The following DCAF5 variants were observed in gnomAD, a reference collection of about 807,000 sequenced individuals.
The protein encoded by DCAF5 is DDB1- and CUL4-associated factor 5.
A neutral mutation model predicts 80.7 loss-of-function variants in DCAF5; 9 were observed. The observed-to-expected ratio is 0.11, with a 90% CI of 0.07 to 0.19. The LOEUF is 0.19. Among genes scored for constraint, DCAF5 ranks in the 10% least tolerant of loss-of-function variants. DCAF5 has a pLI of 1.00. For synonymous variants in DCAF5, 433 were observed against 461.9 expected (o/e 0.94, Z 0.80); for missense variants, 842 against 1,205.7 (o/e 0.70, Z 4.47).
chr14:69,079,008 G>A (rs1211459129), intron 6 of DCAF5, among the ~76,000 whole-genome samples: 1 of 151,984 alleles, frequency 6.6e-6, no homozygotes, highest in Non-Finnish European at 1.5e-5. Context: ...GACTACAGGC[G>A]GGCACCACCA....
intron 1 of DCAF5, among the ~76,000 whole-genome samples, chr14:69,144,261 T>G (rs1382714213): frequency 6.6e-6 from 1 of 152,046 alleles, no homozygotes; most frequent in Non-Finnish European, 1.5e-5. Flanking sequence ...AATAATAATT[T>G]TCATTGTTAT....
At chr14:69,106,716 TAAG>T (rs1231689682) in intron 5 of DCAF5, among the ~76,000 whole-genome samples, 1 of 152,182 alleles carries the variant, frequency 6.6e-6, no homozygotes, top group East Asian at 1.9e-4. Context: ...TAAAAATTTT[TAAG>T]AAGAAAACGT....
intron 1 of DCAF5, among the ~76,000 whole-genome samples, chr14:69,135,677 C>A (rs1342067102): frequency 6.6e-6 from 1 of 152,154 alleles, no homozygotes; most frequent in Non-Finnish European, 1.5e-5. Flanking sequence ...TGATAAAATT[C>A]AAGCTTTCAA....
In DCAF5 at chr14:69,091,671, T is replaced by C; in HGVS notation, c.879+3A>G. The stretch of plus-strand genomic sequence containing the variant: ...TGAGATGCAGGAGGCAGACAGCATT[T>C]ACCTGGTCACGATCTCCTGCAAAAC... On this transcript the variant is annotated splice_donor_region_variant and intron_variant, in intron 6 of 8. Transcript: ENST00000341516. 3.1e-6 allele frequency: 5 copies of C among 1,613,726 alleles called. No homozygotes were observed. The highest frequency in any genetic ancestry group is 4.2e-6 in the Non-Finnish European group (5 of 1,179,600).
At chr14:69,122,912 A>G (rs1330649078) in intron 1 of DCAF5, among the ~76,000 whole-genome samples, 1 of 151,898 alleles carries the variant, frequency 6.6e-6, no homozygotes, top group Non-Finnish European at 1.5e-5. Flanking sequence ...CCAGCTCTTA[A>G]CTCTGCGTAA....
At chr14:69,107,222 C>T (rs1347500008) in intron 5 of DCAF5, among the ~76,000 whole-genome samples, 1 of 152,190 alleles carries the variant, frequency 6.6e-6, no homozygotes, top group African/African-American at 2.4e-5. Context: ...TCTGAAGCGA[C>T]GTCTCTTGTC....
At chr14:69,113,381 T>C (rs2040435955) in intron 5 of DCAF5, among the ~76,000 whole-genome samples, 1 of 152,176 alleles carries the variant, frequency 6.6e-6, no homozygotes, top group Non-Finnish European at 1.5e-5. Flanking sequence ...ACTCTTATCC[T>C]TTTGGAGTCA....
chr14:69,149,998 C>T (rs2041653137), intron 1 of DCAF5, among the ~76,000 whole-genome samples: 5 of 152,154 alleles, frequency 3.3e-5, no homozygotes, highest in Admixed American at 3.3e-4. Flanking sequence ...TTAGGACTCC[C>T]AAAGGGGGCT....
intron 5 of DCAF5, among the ~76,000 whole-genome samples, chr14:69,093,322 T>C (rs559804051): frequency 4.6e-5 from 7 of 152,294 alleles, no homozygotes; most frequent in East Asian, 3.9e-4. Context: ...CATGGATAGG[T>C]AGTGATCCCA....
At chr14:69,106,064 G>GC (rs2040146334) in intron 5 of DCAF5, among the ~76,000 whole-genome samples, 1 of 150,056 alleles carries the variant, frequency 6.7e-6, no homozygotes, top group African/African-American at 2.4e-5. Flanking sequence ...GTTTTGTGTT[G>GC]CTTTTTTTGA....
chr14:69,060,823 C>T (rs1046677868), intron 8 of DCAF5, among the ~76,000 whole-genome samples: 1 of 152,170 alleles, frequency 6.6e-6, no homozygotes, highest in Non-Finnish European at 1.5e-5. Context: ...TGAGCCACCA[C>T]GCCTGGCCTC....
At chr14:69,086,222 G>A (rs913016531) in intron 6 of DCAF5, among the ~76,000 whole-genome samples, 2 of 152,144 alleles carry the variant, frequency 1.3e-5, no homozygotes, top group Non-Finnish European at 2.9e-5. Flanking sequence ...ACCGGGCGTG[G>A]TGGCGCGTGC....
At chr14:69,141,373 C>CT (rs2041369499) in intron 1 of DCAF5, among the ~76,000 whole-genome samples, 1 of 151,578 alleles carries the variant, frequency 6.6e-6, no homozygotes, top group Admixed American at 6.6e-5. Flanking sequence ...TATTATTATA[C>CT]TTTAAGTTCT....
chr14:69,068,246 C>A (rs1389651001), intron 7 of DCAF5, among the ~76,000 whole-genome samples: 1 of 152,296 alleles, frequency 6.6e-6, no homozygotes, highest in East Asian at 1.9e-4. Flanking sequence ...TACATGATGT[C>A]TTATCTAAGG....
At chr14:69,122,113 C>A (rs980344592) in intron 2 of DCAF5, 104 bp downstream of exon 2, 2 of 1,356,072 alleles carry the variant, frequency 1.5e-6, no homozygotes, top group Admixed American at 3.8e-5. Context: ...AGTAATTCCA[C>A]AGCTCAATGA....
upstream of DCAF5, chr14:69,153,132 C>T (rs2041760653): frequency 5.9e-6 from 3 of 509,288 alleles, no homozygotes; most frequent in East Asian, 3.6e-5. Context: ...AGACACTCGG[C>T]GGCGTTCGCG....
At chr14:69,112,592 T>TACACACAC (rs1398075694) in intron 5 of DCAF5, among the ~76,000 whole-genome samples, 47 of 84,956 alleles carry the variant, frequency 5.5e-4, no homozygotes, top group African/African-American at 2.6e-3. Context: ...GATATATATG[T>TACACACAC]ATACACACAC....
intron 7 of DCAF5, among the ~76,000 whole-genome samples, chr14:69,068,580 C>A (rs1305208700): frequency 6.6e-6 from 1 of 152,002 alleles, no homozygotes; most frequent in Non-Finnish European, 1.5e-5. Flanking sequence ...TGCCCGTAAT[C>A]CCAGCTACTC....
intron 1 of DCAF5, among the ~76,000 whole-genome samples, chr14:69,143,553 C>CTTTTTTTTTTTTTTTTTTTTTTT (rs562355110): frequency 2.0e-5 from 2 of 102,202 alleles, no homozygotes; most frequent in Non-Finnish European, 3.7e-5. Context: ...ATCTGTTAAA[C>CTTTTTTTTTTTTTTTTTTTTTTT]TTTTTTTTTT....
Sources: gnomAD v4.1 joint callset for allele counts (sites outside exome capture counted in the v4.1 genomes callset) on GRCh38, gnomAD v4.1.1 for gene constraint, MANE v1.5 for transcripts, NCBI Gene and HGNC (gene_info 2026-07-23, HGNC 2026-07-21) for gene names.